The following EDNRB variants were observed in gnomAD, a reference collection of about 807,000 sequenced individuals.
The protein encoded by EDNRB is Hirschsprung disease 2.
Under a neutral mutation model 46.4 loss-of-function variants are expected in EDNRB, and 18 were observed. The ratio of observed to expected loss-of-function variants is 0.39; its 90% confidence interval spans 0.27 to 0.57. EDNRB has a LOEUF of 0.57. Among genes scored for constraint, EDNRB ranks in the 20% least tolerant of loss-of-function variants. The pLI is 0.61. For synonymous variants in EDNRB, 213 were observed against 204.9 expected (o/e 1.04, Z -0.34); for missense variants, 434 against 537.5 (o/e 0.81, Z 1.90).
chr13:77,918,186 T>C lies in EDNRB; in HGVS notation c.388A>G (p.Lys130Glu). 6.2e-7 allele frequency: 1 copy of C among 1,614,162 alleles called. No homozygotes were observed. Residue 130 changes from lysine to glutamate, a missense_variant, in exon 1 of 7, where the codon AAG becomes GAG. By Grantham distance (56) the Lys-to-Glu change is moderately conservative. Coordinates refer to ENST00000646607, the MANE Select transcript of EDNRB (RefSeq NM_001122659.3). The surrounding 1 kb of genome is among the most constrained non-coding windows in gnomAD (Gnocchi z 4.5). ...STLLRIIYKN[K>E]CMRNGPNILI... is the part of the protein sequence containing the mutation. ...ATATTGGGACCGTTTCGCATGCACT[T>C]GTTCTTGTAGATAATTCTCAGAAGT...
intron 1 of EDNRB, among the ~76,000 whole-genome samples, chr13:77,908,333 G>T (rs1879394649): frequency 6.6e-6 from 1 of 151,460 alleles, no homozygotes; most frequent in Non-Finnish European, 1.5e-5. Flanking sequence ...CATCTTAATG[G>T]CCTCTAGCAA....
intron 1 of EDNRB, among the ~76,000 whole-genome samples, chr13:77,924,895 T>C (rs1428721300): frequency 6.6e-6 from 1 of 152,208 alleles, no homozygotes; most frequent in Non-Finnish European, 1.5e-5. Context: ...ACCTAAGATG[T>C]GACTTGCTCC....
intron 1 of EDNRB, among the ~76,000 whole-genome samples, chr13:77,946,935 C>T (rs1324017656): frequency 1.3e-5 from 2 of 152,074 alleles, no homozygotes; most frequent in African/African-American, 4.8e-5. Context: ...TTCTTTAAAG[C>T]AAGTATTTAC....
intron 1 of EDNRB, among the ~76,000 whole-genome samples, chr13:77,946,423 C>G (rs1880918762): frequency 6.6e-6 from 1 of 152,172 alleles, no homozygotes; most frequent in Admixed American, 6.5e-5. Flanking sequence ...GAAACAAATA[C>G]AATTATACAG....
intron 1 of EDNRB, among the ~76,000 whole-genome samples, chr13:77,941,794 A>G (rs1432320312): frequency 1.3e-5 from 2 of 152,232 alleles, no homozygotes; most frequent in African/African-American, 2.4e-5. Context: ...ACATTTGTTG[A>G]ACTAATGCTT....
chr13:77,901,035 A>G (rs201590182), intron 4 of EDNRB, 23 bp downstream of exon 4: 8 of 1,607,944 alleles, frequency 5.0e-6, no homozygotes, highest in Non-Finnish European at 6.8e-6. Context: ...ACCACGAGTT[A>G]TCAAATATTT....
chr13:77,922,187 G>T (rs191462891), upstream of EDNRB, among the ~76,000 whole-genome samples: 40 of 150,798 alleles, frequency 2.7e-4, no homozygotes, highest in East Asian at 7.6e-3. Flanking sequence ...AAACGTTTAT[G>T]AAGTGTCTAG....
At chr13:77,909,349 G>T (rs1365164168) in intron 1 of EDNRB, among the ~76,000 whole-genome samples, 1 of 151,920 alleles carries the variant, frequency 6.6e-6, no homozygotes, top group East Asian at 1.9e-4. Context: ...TTATTTGAGG[G>T]TTTTGTGAAG....
chr13:77,975,028 C>G (rs1881846469), intron 1 of EDNRB, among the ~76,000 whole-genome samples: 1 of 152,172 alleles, frequency 6.6e-6, no homozygotes, highest in Non-Finnish European at 1.5e-5. Flanking sequence ...CACACTTTTA[C>G]AGTTTACACC....
chr13:77,942,916 A>G (rs2137666454), intron 1 of EDNRB, among the ~76,000 whole-genome samples: 1 of 152,284 alleles, frequency 6.6e-6, no homozygotes, highest in East Asian at 1.9e-4. Flanking sequence ...GGATAATATT[A>G]GTTCAGGGAA....
intron 1 of EDNRB, chr13:77,940,024 A>AAATG (rs747269983): frequency 7.7e-5 from 11 of 143,490 alleles, no homozygotes; most frequent in African/African-American, 2.8e-4. Context: ...ATAAATAAAT[A>AAATG]AAATAAAAAT....
intron 1 of EDNRB, among the ~76,000 whole-genome samples, chr13:77,972,100 C>A (rs540902383): frequency 3.3e-5 from 5 of 152,182 alleles, no homozygotes; most frequent in Admixed American, 6.5e-5. Context: ...AGCTGGATGG[C>A]CCTTGGGGGC....
At chr13:77,925,620 C>T (rs992363063) in intron 1 of EDNRB, among the ~76,000 whole-genome samples, 1 of 152,186 alleles carries the variant, frequency 6.6e-6, no homozygotes, top group Non-Finnish European at 1.5e-5. Flanking sequence ...TTTCAGAAGA[C>T]GTGTGGAAAC....
At chr13:77,911,602 T>C (rs1879575605) in intron 1 of EDNRB, among the ~76,000 whole-genome samples, 1 of 151,960 alleles carries the variant, frequency 6.6e-6, no homozygotes, top group Admixed American at 6.6e-5. Context: ...CTTCAATCAA[T>C]TTTGCTAATA....
At position 77,901,119 on chromosome 13, in the gene EDNRB, G is replaced by A; in HGVS notation, c.890C>T (p.Thr297Ile). Residue 297 changes from threonine (T) to isoleucine (I), a missense_variant, in exon 4 of 7, where the codon ACC (threonine) becomes ATC (isoleucine). Thr to Ile is a moderately conservative substitution (Grantham distance 89, BLOSUM62 -1). Transcript: ENST00000646607. The part of the protein sequence containing the change: ...AITAFFYTLM[T>I]CEMLRKKSGM... ...ACTTTTCTTTCTCAACATTTCACAGGTCATTAGTGTATAAAAAAATGCAGT... is the reference window on the plus strand; with the variant it reads ...ACTTTTCTTTCTCAACATTTCACAGATCATTAGTGTATAAAAAAATGCAGT... 6.2e-7 allele frequency: 1 copy of A among 1,611,306 alleles called. No individual in the cohort carries two copies. Among genetic ancestry groups the A allele is most frequent in the Non-Finnish European group, 8.5e-7 (1 of 1,178,456 alleles).
intron 1 of EDNRB, among the ~76,000 whole-genome samples, chr13:77,935,678 G>T (rs369172122): frequency 3.9e-5 from 6 of 152,210 alleles, no homozygotes; most frequent in African/African-American, 9.6e-5. Flanking sequence ...AAGTAATGGG[G>T]GCTGTCTGTG....
upstream of EDNRB, among the ~76,000 whole-genome samples, chr13:77,923,778 CTT>C (rs10709405): frequency 6.4e-4 from 90 of 140,172 alleles, no homozygotes; most frequent in African/African-American, 1.1e-3. Flanking sequence ...AAGAGAGGTA[CTT>C]TTTTTTTTTT....
At chr13:77,967,094 TATTA>T (rs893330237) in intron 1 of EDNRB, among the ~76,000 whole-genome samples, 12 of 152,230 alleles carry the variant, frequency 7.9e-5, no homozygotes, top group Admixed American at 3.9e-4. Flanking sequence ...CTAAAGTCCC[TATTA>T]ATTAAGAGAA....
chr13:77,913,632 AACTC>A (rs1186172307), intron 1 of EDNRB, among the ~76,000 whole-genome samples: 1 of 152,212 alleles, frequency 6.6e-6, no homozygotes, highest in Non-Finnish European at 1.5e-5. Context: ...GTAATTTAAG[AACTC>A]ACTATTTGCT....
Sources: allele counts gnomAD v4.1 joint callset (sites outside exome capture counted in the v4.1 genomes callset), GRCh38; gene constraint gnomAD v4.1.1; non-coding constraint Gnocchi (gnomAD v3.1); transcripts MANE v1.5; gene names NCBI Gene and HGNC (gene_info 2026-07-23, HGNC 2026-07-21).